The following INPP4B variants were observed in gnomAD, a reference collection of about 807,000 sequenced individuals.
The protein encoded by INPP4B is inositol polyphosphate-4-phosphatase type II B.
Under a neutral mutation model 122.5 loss-of-function variants are expected in INPP4B, and 55 were observed. The observed-to-expected ratio is 0.45, with a 90% CI of 0.36 to 0.56. The LOEUF is 0.56. INPP4B is among the 20% of genes least tolerant of loss of function. INPP4B has a pLI of 0.00. For missense variants in INPP4B, 1,000 were observed against 1,097.7 expected (o/e 0.91, Z 1.26); for synonymous variants, 403 against 388.7 (o/e 1.04, Z -0.43).
intron 5 of INPP4B, among the ~76,000 whole-genome samples, chr4:142,408,503 A>G (rs939184373): frequency 6.6e-6 from 1 of 152,176 alleles, no homozygotes; most frequent in Non-Finnish European, 1.5e-5. Flanking sequence ...CAGTGAGCTG[A>G]GATCACACCA....
At chr4:142,169,300 T>C (rs1197957017) in intron 16 of INPP4B, among the ~76,000 whole-genome samples, 1 of 151,654 alleles carries the variant, frequency 6.6e-6, no homozygotes, top group Admixed American at 6.6e-5. Flanking sequence ...TCTCAAGTTT[T>C]CTTAGACTTC....
Position 142,544,510 on chromosome 4 carries a change from T to C in INPP4B, c.-190-81784A>G, listed in dbSNP as rs116489924. ...TCACATGAGACCTTCCAAAGAACCATCAGAAGCATACATGAGAGAAAAAAT... is the reference window on the plus strand; with the variant it reads ...TCACATGAGACCTTCCAAAGAACCACCAGAAGCATACATGAGAGAAAAAAT... On this transcript the variant is annotated intron_variant, in intron 2 of 25. Coordinates refer to ENST00000262992, the MANE Select transcript of INPP4B (RefSeq NM_001101669.3). Among the ~76,000 whole-genome samples, 729 of 152,024 alleles carry C rather than the reference T, an allele frequency of 4.8e-3. 6 individuals carry two copies. The highest frequency in any genetic ancestry group is 7.1e-3 in the Non-Finnish European group (484 of 67,962).
intron 10 of INPP4B, among the ~76,000 whole-genome samples, chr4:142,268,145 A>G (rs1743738636): frequency 6.6e-6 from 1 of 151,090 alleles, no homozygotes; most frequent in Non-Finnish European, 1.5e-5. Context: ...AACACGGTGA[A>G]ACCCCGTCTC....
At chr4:142,458,012 A>T (rs1489199712) in intron 3 of INPP4B, among the ~76,000 whole-genome samples, 1 of 152,214 alleles carries the variant, frequency 6.6e-6, no homozygotes, top group Non-Finnish European at 1.5e-5. Context: ...ACCTGGACAC[A>T]GATGCTTTTA....
At chr4:142,209,437 A>G (rs1381233275) in intron 12 of INPP4B, among the ~76,000 whole-genome samples, 1 of 152,184 alleles carries the variant, frequency 6.6e-6, no homozygotes, top group Non-Finnish European at 1.5e-5. Flanking sequence ...TGTTGGAAGC[A>G]AACATGAGAT....
chr4:142,356,111 C>T (rs1783524371), intron 7 of INPP4B, among the ~76,000 whole-genome samples: 1 of 150,780 alleles, frequency 6.6e-6, no homozygotes, highest in Non-Finnish European at 1.5e-5. Flanking sequence ...TGATAAAGTG[C>T]TGGACAGAAG....
At chr4:142,155,185 A>C (rs78376333) in intron 17 of INPP4B, among the ~76,000 whole-genome samples, 3,979 of 152,146 alleles carry the variant, frequency 0.026, 163 homozygotes, top group African/African-American at 0.091. Flanking sequence ...AGGAGTCTAT[A>C]AAAATTTGTT....
At chr4:142,812,378 C>T (rs950172629) in intron 1 of INPP4B, among the ~76,000 whole-genome samples, 1 of 152,166 alleles carries the variant, frequency 6.6e-6, no homozygotes, top group Non-Finnish European at 1.5e-5. Context: ...CTCTGTATGT[C>T]ATGACAGATG....
chr4:142,608,660 C>A (rs945574392), intron 2 of INPP4B, among the ~76,000 whole-genome samples: 1 of 152,128 alleles, frequency 6.6e-6, no homozygotes, highest in Non-Finnish European at 1.5e-5. Flanking sequence ...CTCCCTCTGA[C>A]CTACTCTGTA....
At chr4:142,166,574 G>A (rs922237504) in intron 16 of INPP4B, among the ~76,000 whole-genome samples, 7 of 151,370 alleles carry the variant, frequency 4.6e-5, no homozygotes, top group Non-Finnish European at 7.4e-5. Context: ...TCTGAACAAC[G>A]AAAGGAACTA....
intron 18 of INPP4B, among the ~76,000 whole-genome samples, chr4:142,141,597 T>C (rs1470753927): frequency 6.6e-6 from 1 of 152,156 alleles, no homozygotes; most frequent in Non-Finnish European, 1.5e-5. Flanking sequence ...CTCAGCACTA[T>C]CTGCATTTAC....
intron 8 of INPP4B, among the ~76,000 whole-genome samples, chr4:142,308,937 C>A (rs2151243556): frequency 6.6e-6 from 1 of 152,234 alleles, no homozygotes; most frequent in East Asian, 1.9e-4. Context: ...CCCAGGCTCA[C>A]CATCTACTGC....
intron 1 of INPP4B, among the ~76,000 whole-genome samples, chr4:142,842,480 A>T (rs1183385344): frequency 1.4e-5 from 2 of 146,880 alleles, no homozygotes; most frequent in Non-Finnish European, 3.0e-5. Context: ...AAGAAATAAG[A>T]TAGTGAGTAC....
intron 18 of INPP4B, among the ~76,000 whole-genome samples, chr4:142,136,929 G>T (rs1413301272): frequency 8.5e-5 from 13 of 152,136 alleles, no homozygotes. Context: ...TGGGCAGGAA[G>T]AATCAATATC....
intron 1 of INPP4B, among the ~76,000 whole-genome samples, chr4:142,835,450 A>C (rs943794607): frequency 2.6e-5 from 4 of 152,196 alleles, no homozygotes; most frequent in Non-Finnish European, 4.4e-5. Context: ...GCATTTAAGA[A>C]ATACATAAAC....
At chr4:142,252,337 C>T (rs1281168469) in intron 11 of INPP4B, among the ~76,000 whole-genome samples, 9 of 151,472 alleles carry the variant, frequency 5.9e-5, no homozygotes, top group South Asian at 4.2e-4. Context: ...TACAGGCGCC[C>T]GCTACCACGC....
At chr4:142,643,752 G>T (rs577769656) in intron 2 of INPP4B, among the ~76,000 whole-genome samples, 1 of 152,162 alleles carries the variant, frequency 6.6e-6, no homozygotes, top group Non-Finnish European at 1.5e-5. Flanking sequence ...AGAGGTTTAA[G>T]TGAGGATTTC....
chr4:142,208,787 A>G (rs1843615304), intron 13 of INPP4B, 109 bp downstream of exon 13: 1 of 847,504 alleles, frequency 1.2e-6, no homozygotes, highest in African/African-American at 1.8e-5. Flanking sequence ...AGAGTTTTAA[A>G]AAATCTCCAG....
In INPP4B at chr4:142,078,966, C is replaced by T. The variant is rs565233050; in HGVS notation, c.2642+3065G>A. Among the ~76,000 whole-genome samples, 9 of 151,960 alleles carry T rather than the reference C, an allele frequency of 5.9e-5. No homozygotes were observed. The South Asian group carries it at 1.9e-3, about 32-fold the overall frequency. ...TTTAAAACACTGATTTTTAAAAATC[C>T]AGAGTTGTTCCCCAGAATGTCTGTA... is the stretch of plus-strand genomic sequence containing the variant. On this transcript the variant is annotated intron_variant, in intron 25 of 25. Coordinates refer to ENST00000262992, the MANE Select transcript of INPP4B (RefSeq NM_001101669.3).
Sources: allele counts gnomAD v4.1 joint callset (sites outside exome capture counted in the v4.1 genomes callset), GRCh38; gene constraint gnomAD v4.1.1; transcripts MANE v1.5; gene names NCBI Gene and HGNC (gene_info 2026-07-23, HGNC 2026-07-21).